Variants in RBFOX1 observed in about 807,000 individuals in gnomAD.
The protein encoded by RBFOX1 is RNA binding fox-1 homolog 1.
In RBFOX1, 8 loss-of-function variants were observed where a neutral mutation model predicts 57.7. The ratio of observed to expected loss-of-function variants is 0.14; its 90% CI spans 0.08 to 0.25. The LOEUF (loss-of-function observed/expected upper bound fraction) is 0.25. Among genes scored for constraint, RBFOX1 ranks in the 10% least tolerant of loss-of-function variants. The pLI, the probability that RBFOX1 is intolerant of heterozygous loss-of-function variation, is 1.00. For missense variants in RBFOX1, 611 were observed against 548.5 expected, an observed-to-expected ratio of 1.11 and a Z score of -1.14; for synonymous variants, 326 against 222.4, an observed-to-expected ratio of 1.47 and a Z score of -4.15.
chr16:6,899,453 G>A (rs573450921), intron 3 of RBFOX1, among the ~76,000 whole-genome samples: 3 of 152,140 alleles, frequency 2.0e-5, no homozygotes, highest in South Asian at 2.1e-4. Context: ...GGTTGTTTAC[G>A]GCCATTGGTT....
At position 5,448,822 on chromosome 16, in the gene RBFOX1, T is replaced by A. The variant is rs372496933; in HGVS notation, c.220-18394T>A. 4.6e-5 allele frequency among the ~76,000 whole-genome samples: 7 copies of A among 152,298 alleles called. No individual in the cohort carries two copies. In the East Asian group the frequency reaches 1.4e-3, roughly 29 times the overall value. On this transcript the variant is annotated intron_variant, in intron 1 of 2. Transcript: ENST00000585867. ...CATTGCTCTAGGCATCTGGGATACA[T>A]TTAGGAGGAAAGCAGATAAAGATCT...
At chr16:7,438,667 A>G (rs1433120050) in intron 4 of RBFOX1, among the ~76,000 whole-genome samples, 1 of 152,216 alleles carries the variant, frequency 6.6e-6, no homozygotes, top group Non-Finnish European at 1.5e-5. Flanking sequence ...AAACCAGCCC[A>G]TTAAAACTCC....
Position 5,947,777 on chromosome 16 carries a change from A to G in RBFOX1, c.351+80442A>G, listed in dbSNP as rs557455243. ...GGTGTCTCCACCTAACAGTGCAAGG[A>G]TACAGCTGCCCTTGGTATTCTTCAT... On this transcript the variant is annotated intron_variant, in intron 4 of 19. Transcript: ENST00000641259. This position sits in a 1 kb window ranked among gnomAD's most constrained non-coding sequence, Gnocchi z 7.2. Among the ~76,000 whole-genome samples, 3 of 152,314 alleles carry G rather than the reference A, an allele frequency of 2.0e-5. No homozygotes were observed. Among genetic ancestry groups the G allele is most frequent in the Admixed American group, 2.0e-4 (3 of 15,288 alleles).
intron 4 of RBFOX1, among the ~76,000 whole-genome samples, chr16:7,221,513 C>G (rs183621432): frequency 3.9e-5 from 6 of 152,030 alleles, no homozygotes; most frequent in African/African-American, 7.2e-5. Context: ...ATTACAGGTG[C>G]GTGCCATCAC....
chr16:5,792,413 C>G (rs926625139), intron 3 of RBFOX1, among the ~76,000 whole-genome samples: 1 of 152,242 alleles, frequency 6.6e-6, no homozygotes, highest in Admixed American at 6.5e-5. Flanking sequence ...TCTACAAAAA[C>G]TTACCTACTA....
chr16:6,518,043 T>C (rs1307766844), intron 2 of RBFOX1, among the ~76,000 whole-genome samples: 2 of 152,198 alleles, frequency 1.3e-5, no homozygotes, highest in African/African-American at 4.8e-5. Flanking sequence ...TTGTCTGTCT[T>C]TGTTGAACTA....
chr16:5,491,997 G>A (rs1172549728), intron 2 of RBFOX1, among the ~76,000 whole-genome samples: 1 of 152,164 alleles, frequency 6.6e-6, no homozygotes, highest in Non-Finnish European at 1.5e-5. Flanking sequence ...GTGTGGCCAG[G>A]GTTGAGAATT....
intron 4 of RBFOX1, among the ~76,000 whole-genome samples, chr16:5,991,760 C>T (rs762064887): frequency 6.6e-6 from 1 of 151,588 alleles, no homozygotes; most frequent in Non-Finnish European, 1.5e-5. Flanking sequence ...AATCCCAGCC[C>T]TGCCAATAAT....
chr16:6,522,696 C>T (rs977559388), intron 2 of RBFOX1, among the ~76,000 whole-genome samples: 4 of 152,088 alleles, frequency 2.6e-5, no homozygotes, highest in Non-Finnish European at 2.9e-5. Flanking sequence ...ACCTAAGAAA[C>T]AGTGAACCAT....
chr16:7,522,805 T>A (rs1260663456), intron 5 of RBFOX1, among the ~76,000 whole-genome samples: 4 of 152,114 alleles, frequency 2.6e-5, no homozygotes, highest in Non-Finnish European at 5.9e-5. Context: ...AAATAGTAGG[T>A]AGTCTAGGAA....
chr16:5,246,124 C>A lies in RBFOX1; in HGVS notation c.219+6019C>A, dbSNP rs569958728. 2.0e-5 allele frequency among the ~76,000 whole-genome samples: 3 copies of A among 152,218 alleles called. No homozygotes were observed. In the South Asian group the frequency reaches 6.2e-4, roughly 32 times the overall value. ...AGGTGTGATGGCACACACCTGTAAT[C>A]CCAGCTACTTGGGAGGCTGAGGCAG... is the stretch of plus-strand genomic sequence containing the variant. On this transcript the variant is annotated intron_variant, in intron 1 of 2. Coordinates refer to the RBFOX1 transcript ENST00000585867.
At chr16:7,262,313 A>AT (rs556478826) in intron 4 of RBFOX1, among the ~76,000 whole-genome samples, 65,790 of 146,234 alleles carry the variant, frequency 0.45, 14,430 homozygotes, top group Middle Eastern at 0.56. Context: ...CCATTTCTCT[A>AT]TTTTTTTTTT....
intron 5 of RBFOX1, among the ~76,000 whole-genome samples, chr16:7,572,531 A>T (rs887641982): frequency 1.3e-5 from 2 of 152,060 alleles, no homozygotes; most frequent in African/African-American, 4.8e-5. Flanking sequence ...AGTGCACAGG[A>T]TGATCCACCC....
At chr16:5,560,013 G>C (rs940879048) in intron 2 of RBFOX1, among the ~76,000 whole-genome samples, 1 of 152,150 alleles carries the variant, frequency 6.6e-6, no homozygotes, top group African/African-American at 2.4e-5. Context: ...AAAAACGAGT[G>C]AATTTAGTTC....
chr16:5,563,593 C>G lies in RBFOX1; in HGVS notation c.259-35309C>G, dbSNP rs547861439. ...TTGATGCTGTTGAGTTGTGCTGAAG[C>G]TTGATTCTTTCAATAAGTAGTTGAC... On this transcript the variant is annotated intron_variant, in intron 2 of 2. Transcript: ENST00000585867. 1.8e-4 allele frequency among the ~76,000 whole-genome samples: 28 copies of G among 152,266 alleles called. No individual in the cohort carries two copies. The East Asian group carries it at 5.2e-3, about 28-fold the overall frequency.
chr16:7,131,043 T>C (rs1242687844), intron 4 of RBFOX1, among the ~76,000 whole-genome samples: 1 of 152,184 alleles, frequency 6.6e-6, no homozygotes, highest in African/African-American at 2.4e-5. Context: ...GCCTTTTTAA[T>C]CATAAGAATC....
At chr16:7,280,610 G>C (rs1368801882) in intron 4 of RBFOX1, among the ~76,000 whole-genome samples, 1 of 152,284 alleles carries the variant, frequency 6.6e-6, no homozygotes, top group East Asian at 1.9e-4. Flanking sequence ...GCTACCTTCG[G>C]AGAGCTCCGC....
intron 3 of RBFOX1, among the ~76,000 whole-genome samples, chr16:6,694,193 G>C (rs1302247270): frequency 6.6e-6 from 1 of 152,122 alleles, no homozygotes; most frequent in Non-Finnish European, 1.5e-5. Context: ...AATCCCTTTA[G>C]GGCAACTTCT....
rs1451036581 is a variant in RBFOX1, at chr16:5,935,059, C to G, written c.351+67724C>G. 2.6e-5 allele frequency among the ~76,000 whole-genome samples: 4 copies of G among 152,200 alleles called. No individual in the cohort carries two copies. In the East Asian group the frequency reaches 7.7e-4, roughly 29 times the overall value. On this transcript the variant is annotated intron_variant, in intron 4 of 19. Transcript: ENST00000641259. ...ATTAAACAAGTGTCTACACCCTCAG[C>G]TTTTAAGAGAATTCAGCTGCCTTCA...
Sources: allele counts gnomAD v4.1 joint callset (sites outside exome capture counted in the v4.1 genomes callset), GRCh38; gene constraint gnomAD v4.1.1; non-coding constraint Gnocchi (gnomAD v3.1); transcripts MANE v1.5; gene names NCBI Gene and HGNC (gene_info 2026-07-23, HGNC 2026-07-21).